HEPHL1: variants seen among roughly 807,000 people sequenced by gnomAD.
HEPHL1 encodes the protein hephaestin like 1, also known as ferroxidase HEPHL1.
HEPHL1 carries 123 observed loss-of-function variants against 122.0 expected under a neutral mutation model. The ratio of observed to expected loss-of-function variants is 1.01; its 90% CI spans 0.87 to 1.17. The LOEUF (loss-of-function observed/expected upper bound fraction) is 1.17. HEPHL1 is among the 50% of genes most tolerant of loss of function. The pLI is 0.00. For missense variants in HEPHL1, 1,452 were observed against 1,430.5 expected, an observed-to-expected ratio of 1.01 and a Z score of -0.24; for synonymous variants, 527 against 508.9, an observed-to-expected ratio of 1.04 and a Z score of -0.48.
intron 13 of HEPHL1, among the ~76,000 whole-genome samples, chr11:94,094,533 C>T (rs1467583113): frequency 6.6e-6 from 1 of 152,202 alleles, no homozygotes; most frequent in East Asian, 1.9e-4. Context: ...ATAGCTGGGT[C>T]AAATGGTATT....
At chr11:94,099,286 C>A (rs908165327) in intron 13 of HEPHL1, among the ~76,000 whole-genome samples, 1 of 152,170 alleles carries the variant, frequency 6.6e-6, no homozygotes. Flanking sequence ...CACTCTGGAC[C>A]CTGTTTGCCT....
chr11:94,098,788 C>T (rs1422948941), intron 13 of HEPHL1, among the ~76,000 whole-genome samples: 2 of 152,208 alleles, frequency 1.3e-5, no homozygotes, highest in Non-Finnish European at 2.9e-5. Context: ...GATACCCTTT[C>T]TTCCAGTTGA....
intron 9 of HEPHL1, among the ~76,000 whole-genome samples, chr11:94,076,128 A>G (rs961926769): frequency 3.3e-5 from 5 of 152,188 alleles, no homozygotes; most frequent in African/African-American, 1.2e-4. Context: ...GAATTTCCAG[A>G]TTTAAAAAAC....
At chr11:94,098,800 C>T (rs1028619762) in intron 13 of HEPHL1, among the ~76,000 whole-genome samples, 27 of 152,146 alleles carry the variant, frequency 1.8e-4, no homozygotes, top group Non-Finnish European at 2.8e-4. Context: ...TCCAGTTGAT[C>T]GAATCGGCTA....
At chr11:94,061,340 C>T (rs1374286544) in intron 2 of HEPHL1, among the ~76,000 whole-genome samples, 1 of 152,012 alleles carries the variant, frequency 6.6e-6, no homozygotes, top group Non-Finnish European at 1.5e-5. Context: ...GGGATGAGTG[C>T]TATCAGCTGA....
Position 94,075,227 on chromosome 11 carries a change from T to G in HEPHL1, c.1558T>G (p.Trp520Gly). The G allele has an allele frequency of 1.9e-6, 3 of 1,613,462 alleles. No individual in the cohort carries two copies. Among genetic ancestry groups the G allele is most frequent in the Non-Finnish European group, 2.5e-6 (3 of 1,179,636 alleles). Reference sequence around the variant, plus strand: ...ACCAGGTGAAACCTTCACATACAAGTGGACAGTGCCTGAGAGCGTAAGCCC... The same window carrying G: ...ACCAGGTGAAACCTTCACATACAAGGGGACAGTGCCTGAGAGCGTAAGCCC... ...VKPGETFTYK[W>G]TVPESVSPTA... The change falls in exon 9 of 20, where the codon TGG (tryptophan) becomes GGG (glycine). Residue 520 changes from tryptophan to glycine, a missense_variant. Transcript: ENST00000315765.
intron 2 of HEPHL1, among the ~76,000 whole-genome samples, chr11:94,047,871 A>C (rs1027880594): frequency 6.6e-6 from 1 of 152,210 alleles, no homozygotes; most frequent in South Asian, 2.1e-4. Context: ...GTGGTAAAAC[A>C]TATGAACATA....
At chr11:94,067,042 A>G (rs1434853750) in intron 4 of HEPHL1, among the ~76,000 whole-genome samples, 2 of 152,210 alleles carry the variant, frequency 1.3e-5, no homozygotes, top group Non-Finnish European at 2.9e-5. Context: ...TTCATTAAGT[A>G]GATACTATGT....
chr11:94,032,416 A>G (rs1330754900), intron 1 of HEPHL1, among the ~76,000 whole-genome samples: 1 of 152,174 alleles, frequency 6.6e-6, no homozygotes, highest in Non-Finnish European at 1.5e-5. Context: ...CGGGAGTGAT[A>G]ATCACTTTTT....
intron 2 of HEPHL1, among the ~76,000 whole-genome samples, chr11:94,050,487 T>G (rs1305123177): frequency 2.6e-5 from 4 of 152,160 alleles, no homozygotes; most frequent in Non-Finnish European, 1.5e-5. Flanking sequence ...AGATGGCTTT[T>G]TATCAGATTG....
At chr11:94,110,821 A>T in intron 17 of HEPHL1, 82 bp from the exon 18 acceptor site, 2 of 1,109,940 alleles carry the variant, frequency 1.8e-6, no homozygotes, top group Non-Finnish European at 2.5e-6. Context: ...TGTGGGTTTT[A>T]TTTGTTTTTG....
At chr11:94,042,776 G>T (rs1431479905) in intron 1 of HEPHL1, among the ~76,000 whole-genome samples, 1 of 145,116 alleles carries the variant, frequency 6.9e-6, no homozygotes, top group Non-Finnish European at 1.5e-5. Context: ...CCTAATGCTA[G>T]ATGACGAGTT....
At position 94,070,457 on chromosome 11, in the gene HEPHL1, T is replaced by G; in HGVS notation, c.1147T>G (p.Phe383Val). 6.2e-7 allele frequency: 1 copy of G among 1,609,736 alleles called. No homozygotes were observed. The highest frequency in any genetic ancestry group is 8.5e-7 in the Non-Finnish European group (1 of 1,177,832). ...GATGAAGGGTCAACAGAGGCGCTAC[T>G]TTATAGCAGCTGAAAAAATTCTTTG... The part of the protein sequence containing the change: ...PKMKGQQRRY[F>V]IAAEKILWDY... Residue 383 changes from phenylalanine to valine, a missense_variant, in exon 6 of 20, where the codon TTT becomes GTT. Phe to Val is a conservative substitution (Grantham distance 50, BLOSUM62 -1). Transcript: ENST00000315765.
At position 94,086,147 on chromosome 11, in the gene HEPHL1, C is replaced by T. The variant is rs1294132431; in HGVS notation, c.2038C>T (p.Pro680Ser). Residue 680 changes from proline to serine, a missense_variant, in exon 11 of 20, where the codon CCC becomes TCC. Pro to Ser is a moderately conservative substitution (Grantham distance 74). Coordinates refer to ENST00000315765, the MANE Select transcript of HEPHL1 (RefSeq NM_001098672.2). ...GTHRDSLALF[P>S]HMATTAFMQP... ...TCACCGAGACTCCCTGGCCCTGTTT[C>T]CCCACATGGCCACAACAGCATTCAT... 7 of 1,612,750 alleles carry T rather than the reference C, an allele frequency of 4.3e-6. No individual in the cohort carries two copies. Among genetic ancestry groups the T allele is most frequent in the African/African-American group, 2.7e-5 (2 of 74,836 alleles).
intron 8 of HEPHL1, among the ~76,000 whole-genome samples, chr11:94,074,166 T>C (rs891401938): frequency 1.3e-5 from 2 of 152,034 alleles, no homozygotes; most frequent in African/African-American, 4.8e-5. Context: ...GTGGTGATAG[T>C]GAGGGGACAG....
chr11:94,093,714 C>A, intron 13 of HEPHL1, 74 bp downstream of exon 13: 2 of 1,500,178 alleles, frequency 1.3e-6, no homozygotes, highest in South Asian at 1.3e-5. Flanking sequence ...TGTTCTGTTA[C>A]ACTTGTGGCT....
At chr11:94,060,631 A>G (rs1055831743) in intron 2 of HEPHL1, among the ~76,000 whole-genome samples, 1 of 152,132 alleles carries the variant, frequency 6.6e-6, no homozygotes, top group African/African-American at 2.4e-5. Flanking sequence ...CTTTCCAGGC[A>G]GTCTAATTTC....
intron 13 of HEPHL1, among the ~76,000 whole-genome samples, chr11:94,099,069 T>G (rs974859616): frequency 2.0e-5 from 3 of 152,244 alleles, no homozygotes; most frequent in African/African-American, 4.8e-5. Context: ...GCTGCGTTCC[T>G]TTGGTGGGGG....
chr11:94,105,982 CT>C lies in HEPHL1; in HGVS notation c.2906-5del. ...TAACCAAAGGTTATTTTCTTATCAC[CT>C]TTTAAAGCCATTAATGGAAAGATTT... On this transcript the variant is annotated splice_region_variant and splice_polypyrimidine_tract_variant and intron_variant, in intron 16 of 19. Coordinates refer to ENST00000315765, the MANE Select transcript of HEPHL1 (RefSeq NM_001098672.2). The C allele has an allele frequency of 1.9e-6, 3 of 1,554,922 alleles. No homozygotes were observed. The highest frequency in any genetic ancestry group is 1.7e-6 in the Non-Finnish European group (2 of 1,143,088).
Sources: allele counts gnomAD v4.1 joint callset (sites outside exome capture counted in the v4.1 genomes callset), GRCh38; gene constraint gnomAD v4.1.1; transcripts MANE v1.5; gene names NCBI Gene and HGNC (gene_info 2026-07-23, HGNC 2026-07-21).